The following DCAF11 variants were observed in gnomAD, a reference collection of about 807,000 sequenced individuals.
DCAF11 encodes DDB1 and CUL4 associated factor 11, also known as DDB1- and CUL4-associated factor 11.
DCAF11 carries 44 observed loss-of-function variants against 76.1 expected under a neutral mutation model. That is an observed-to-expected ratio of 0.58 (90% CI 0.45 to 0.74). The LOEUF is 0.74. Among genes scored for constraint, DCAF11 ranks in the 30% least tolerant of loss-of-function variants. DCAF11 has a pLI of 0.00. For synonymous variants in DCAF11, 258 were observed against 255.0 expected (o/e 1.01, Z -0.11); for missense variants, 604 against 709.4 (o/e 0.85, Z 1.69).
chr14:24,118,354 G>T (rs2037621724), intron 6 of DCAF11, 34 bp from the exon 7 acceptor site: 1 of 1,612,050 alleles, frequency 6.2e-7, no homozygotes, highest in African/African-American at 1.3e-5. Context: ...CAAGGAAACT[G>T]TCCCATAATT....
chr14:24,115,934 C>G (rs1387230133), intron 2 of DCAF11, among the ~76,000 whole-genome samples, 185 bp downstream of exon 2: 1 of 152,086 alleles, frequency 6.6e-6, no homozygotes, highest in Non-Finnish European at 1.5e-5. Flanking sequence ...AAGAGTGGTT[C>G]TTACCTAGGG....
At chr14:24,120,713 G>C (rs1159848555) in intron 11 of DCAF11, 125 bp from the exon 12 acceptor site, 9 of 1,225,580 alleles carry the variant, frequency 7.3e-6, no homozygotes, top group Non-Finnish European at 1.0e-5. Flanking sequence ...AGTTCACCTG[G>C]ATGAAGAGAG....
At chr14:24,120,588 A>G (rs2037672199) in intron 11 of DCAF11, among the ~76,000 whole-genome samples, 1 of 152,202 alleles carries the variant, frequency 6.6e-6, no homozygotes, top group South Asian at 2.1e-4. Flanking sequence ...AAATTAAAAA[A>G]AGAAAAATGG....
chr14:24,121,049 C>T, intron 12 of DCAF11, 58 bp downstream of exon 12: 1 of 1,597,422 alleles, frequency 6.3e-7, no homozygotes, highest in South Asian at 1.1e-5. Context: ...CCCTGGAGGA[C>T]CTCCCCCTCA....
chr14:24,121,666 GA>G (rs1462934504), intron 13 of DCAF11, 149 bp downstream of exon 13: 4 of 805,944 alleles, frequency 5.0e-6, no homozygotes, highest in Non-Finnish European at 7.5e-6. Flanking sequence ...CAGAGAAATA[GA>G]AACCATTCTA....
intron 11 of DCAF11, among the ~76,000 whole-genome samples, chr14:24,120,195 G>A (rs1309555977): frequency 6.6e-6 from 1 of 151,850 alleles, no homozygotes; most frequent in Non-Finnish European, 1.5e-5. Flanking sequence ...CTTGAGCTCA[G>A]GCGTTCCAGA....
In DCAF11 at chr14:24,114,908, G is replaced by C. The variant is rs1483847746; in HGVS notation, c.-599G>C. On this transcript the variant is annotated 5_prime_UTR_variant, in exon 1 of 15. Coordinates refer to ENST00000446197, the MANE Select transcript of DCAF11 (RefSeq NM_025230.5). Reference sequence around the variant, plus strand: ...AAGGCCTCGCGCCGCTGCGGGTCCTGCGACCGCTCCTGGCTGGTGGGTGGT... The same window carrying C: ...AAGGCCTCGCGCCGCTGCGGGTCCTCCGACCGCTCCTGGCTGGTGGGTGGT... 2 of 985,884 alleles carry C rather than the reference G, an allele frequency of 2.0e-6. No individual in the cohort carries two copies. The allele number at this position is 985,884 out of a possible 1,614,324, so 61.1% of individuals were successfully genotyped here. A position where few individuals can be genotyped will look rare whatever the true frequency, so the allele number is the denominator to read the frequency against.
At chr14:24,116,266 G>C (rs1217775643) in intron 2 of DCAF11, among the ~76,000 whole-genome samples, 1 of 152,200 alleles carries the variant, frequency 6.6e-6, no homozygotes, top group Non-Finnish European at 1.5e-5. Flanking sequence ...GGTGCAGCTG[G>C]CTTTCTTTCT....
Position 24,118,040 on chromosome 14 carries a change from T to C in DCAF11, c.477-15T>C. 1 of 1,589,424 alleles carries C rather than the reference T, an allele frequency of 6.3e-7. No individual in the cohort carries two copies. The highest frequency in any genetic ancestry group is 8.6e-7 in the Non-Finnish European group (1 of 1,164,258). ...CTGAGCACCCCTCACCCTCACTTTC[T>C]CTCTCCTTCCCTAGCTTCTTGCCCA... is the stretch of plus-strand genomic sequence containing the variant. On this transcript the variant is annotated splice_polypyrimidine_tract_variant and intron_variant, in intron 5 of 14. Coordinates refer to ENST00000446197, the MANE Select transcript of DCAF11 (RefSeq NM_025230.5).
intron 2 of DCAF11, among the ~76,000 whole-genome samples, chr14:24,116,437 A>G (rs1411056158): frequency 6.6e-6 from 1 of 152,160 alleles, no homozygotes; most frequent in East Asian, 1.9e-4. Context: ...TCAAGTGCAC[A>G]CCACAGCCTG....
intron 5 of DCAF11, 25 bp from the exon 6 acceptor site, chr14:24,118,030 C>T (rs2037615890): frequency 1.3e-6 from 2 of 1,529,508 alleles, no homozygotes; most frequent in East Asian, 4.5e-5. Context: ...CACCCCTCAC[C>T]CTCACTTTCT....
At position 24,124,739 on chromosome 14, in the gene DCAF11, CTACAAAAAA is replaced by C. The variant is rs2037749460; in HGVS notation, c.*1439_*1447del. 1 of 152,266 alleles carries C rather than the reference CTACAAAAAA, an allele frequency of 6.6e-6. No individual in the cohort carries two copies. The highest frequency in any genetic ancestry group is 2.4e-5 in the African/African-American group (1 of 41,438). 9.4% of individuals were successfully genotyped at this position (152,266 alleles called of 1,614,324 possible). A position where few individuals can be genotyped will look rare whatever the true frequency, so the allele number is the denominator to read the frequency against. ...TGGGCAACATGGCAAAACCCCATCT[CTACAAAAAA>C]TACAAAAAGTAGGCCGGGCACGGTG... On this transcript the variant is annotated 3_prime_UTR_variant, in exon 15 of 15. Transcript: ENST00000446197.
Position 24,119,602 on chromosome 14 carries a change from C to A in DCAF11, c.892C>A (p.Arg298=). 1 of 1,614,198 alleles carries A rather than the reference C, an allele frequency of 6.2e-7. No individual in the cohort carries two copies. Among genetic ancestry groups the A allele is most frequent in the East Asian group, 2.2e-5 (1 of 44,888 alleles). The stretch of plus-strand genomic sequence containing the variant: ...GTATGTCTTTGACCGAGAACAGAAC[C>A]GGCGCACCCTTCAGGTATGGCTCCT... ...CLYVFDREQN[R]RTLQIESHED... The change falls in exon 10 of 15, where the codon CGG becomes AGG. Residue 298 remains arginine, a synonymous_variant. Coordinates refer to ENST00000446197, the MANE Select transcript of DCAF11 (RefSeq NM_025230.5).
chr14:24,115,035 A>G lies in DCAF11; in HGVS notation c.-472A>G. On this transcript the variant is annotated 5_prime_UTR_variant, in exon 1 of 15. Coordinates refer to ENST00000446197, the MANE Select transcript of DCAF11 (RefSeq NM_025230.5). ...CGGCGCACCACGTGGGCGTGAGGCG[A>G]GGAAGGAGGGGTGTTAGGCCAAATT... The G allele has an allele frequency of 1.0e-6, 1 of 985,790 alleles. No individual in the cohort carries two copies. The highest frequency in any genetic ancestry group is 1.2e-6 in the Non-Finnish European group (1 of 829,816). The allele number at this position is 985,790 out of a possible 1,614,324, so 61.1% of individuals were successfully genotyped here.
intron 7 of DCAF11, 76 bp from the exon 8 acceptor site, chr14:24,118,674 T>G: frequency 6.2e-7 from 1 of 1,601,864 alleles, no homozygotes. Context: ...GTCCCCTGTT[T>G]GATCTCTTCC....
At position 24,120,863 on chromosome 14, in the gene DCAF11, A is replaced by G; in HGVS notation, c.1118A>G (p.Asn373Ser). 6.2e-7 allele frequency: 1 copy of G among 1,613,988 alleles called. No homozygotes were observed. Among genetic ancestry groups the G allele is most frequent in the Non-Finnish European group, 8.5e-7 (1 of 1,179,982 alleles). Residue 373 changes from asparagine (N) to serine (S), a missense_variant, in exon 12 of 15, where the codon AAC becomes AGC. Transcript: ENST00000446197. Reference protein sequence around the residue: ...SKGDARYLISNSKDQTIKLWD... With the variant: ...SKGDARYLISSSKDQTIKLWD... The stretch of plus-strand genomic sequence containing the variant: ...GGTGATGCCCGGTATCTGATCTCCA[A>G]CTCTAAAGACCAGACCATCAAACTC...
At chr14:24,118,997 G>T in intron 8 of DCAF11, 148 bp from the exon 9 acceptor site, 1 of 1,181,002 alleles carries the variant, frequency 8.5e-7, no homozygotes, top group Non-Finnish European at 1.2e-6. Flanking sequence ...GATGATTTCT[G>T]GGTTCTCACT....
rs1304966191 is a variant in DCAF11, at chr14:24,119,763, C to G, written c.959C>G (p.Ser320Cys). The G allele has an allele frequency of 6.2e-7, 1 of 1,614,216 alleles. No individual in the cohort carries two copies. The highest frequency in any genetic ancestry group is 1.7e-5 in the Admixed American group (1 of 60,032). The stretch of plus-strand genomic sequence containing the variant: ...GCAGTGGCCTTTGCTGATATAAGCT[C>G]CCAAATCCTGTTCTCTGGGGGAGAT... ...VNAVAFADIS[S>C]QILFSGGDDA... The change falls in exon 11 of 15, where the codon TCC (serine) becomes TGC (cysteine). Residue 320 changes from serine (S) to cysteine (C), a missense_variant. By Grantham distance (112) the Ser-to-Cys change is moderately radical. Transcript: ENST00000446197.
rs780627966 is a variant in DCAF11, at chr14:24,121,316, T to C, written c.1247-49T>C. The C allele has an allele frequency of 8.1e-6, 13 of 1,611,074 alleles. No homozygotes were observed. In the African/African-American group the frequency reaches 1.7e-4, roughly 22 times the overall value. Reference sequence around the variant, plus strand: ...GCTCAGGACTGGTGGTACGAAACAATCCCAAAGCAGATTTCCTAACCTAGG... The same window carrying C: ...GCTCAGGACTGGTGGTACGAAACAACCCCAAAGCAGATTTCCTAACCTAGG... On this transcript the variant is annotated intron_variant, in intron 12 of 14. Transcript: ENST00000446197.
Sources: gnomAD v4.1 joint callset for allele counts (sites outside exome capture counted in the v4.1 genomes callset) on GRCh38, gnomAD v4.1.1 for gene constraint, MANE v1.5 for transcripts, NCBI Gene and HGNC (gene_info 2026-07-23, HGNC 2026-07-21) for gene names.